Variants in PRKN observed in about 807,000 individuals in gnomAD.
PRKN encodes parkin RBR E3 ubiquitin protein ligase.
Under a neutral mutation model 59.5 loss-of-function variants are expected in PRKN, and 56 were observed. The observed-to-expected ratio is 0.94, with a 90% CI of 0.76 to 1.18. The LOEUF (loss-of-function observed/expected upper bound fraction) is 1.18, where lower values mean the gene tolerates loss of function less well. Among genes scored for constraint, PRKN ranks in the 50% most tolerant of loss-of-function variants. The pLI is 0.00. For synonymous variants in PRKN, 250 were observed against 222.1 expected (o/e 1.13, Z -1.12); for missense variants, 657 against 596.4 (o/e 1.10, Z -1.06).
At chr6:161,959,658 G>A (rs1780308502) in intron 6 of PRKN, among the ~76,000 whole-genome samples, 1 of 152,010 alleles carries the variant, frequency 6.6e-6, no homozygotes, top group Non-Finnish European at 1.5e-5. Flanking sequence ...TTTCCTCTGA[G>A]GTGATACTCA....
intron 5 of PRKN, among the ~76,000 whole-genome samples, chr6:162,039,157 C>CAA (rs1404634739): frequency 5.6e-5 from 5 of 89,634 alleles, no homozygotes; most frequent in Non-Finnish European, 6.6e-5. Flanking sequence ...CTCCATCTCA[C>CAA]AAAAAAAAAA....
rs951958878 is a variant in PRKN, at chr6:161,562,493, G to A, written c.933+6862C>T. Reference sequence around the variant, plus strand: ...TTGGCTTCTTCTGAGAATCCCCATGGGTTTAAAATTTCCTCTACATGCTGG... The same window carrying A: ...TTGGCTTCTTCTGAGAATCCCCATGAGTTTAAAATTTCCTCTACATGCTGG... On this transcript the variant is annotated intron_variant, in intron 8 of 11. Transcript: ENST00000366898. This position sits in a 1 kb window ranked among gnomAD's most constrained non-coding sequence, Gnocchi z 4.3. 3.3e-5 allele frequency among the ~76,000 whole-genome samples: 5 copies of A among 152,116 alleles called. No homozygotes were observed. The highest frequency in any genetic ancestry group is 2.1e-4 in the South Asian group (1 of 4,828).
chr6:161,556,225 C>G (rs561512810), intron 8 of PRKN, among the ~76,000 whole-genome samples: 1 of 152,208 alleles, frequency 6.6e-6, no homozygotes, highest in East Asian at 1.9e-4. Flanking sequence ...AACTCAAGAG[C>G]ATTTGAGCAT....
chr6:161,682,823 G>T (rs905603267), intron 7 of PRKN, among the ~76,000 whole-genome samples: 1 of 152,160 alleles, frequency 6.6e-6, no homozygotes, highest in African/African-American at 2.4e-5. Flanking sequence ...GCACCACACA[G>T]TAGAGGGTGA....
chr6:162,011,224 T>TTTATGATATATACTATATTATA (rs1782655241), intron 5 of PRKN, among the ~76,000 whole-genome samples: 1 of 68,686 alleles, frequency 1.5e-5, no homozygotes, highest in Non-Finnish European at 3.1e-5. Context: ...TAGTATATAT[T>TTTATGATATATACTATATTATA]TATAATATAT....
At position 162,586,460 on chromosome 6, in the gene PRKN, T is replaced by C. The variant is rs1583858311; in HGVS notation, c.7+141202A>G. On this transcript the variant is annotated intron_variant, in intron 1 of 11. Transcript: ENST00000366898. ...GTTCATGGAGAGGGCAAAGGTACAC[T>C]ATGAACACTACTGACTGAGACACAT... is the stretch of plus-strand genomic sequence containing the variant. Among the ~76,000 whole-genome samples the C allele has an allele frequency of 2.0e-5, 3 of 152,294 alleles. No homozygotes were observed. In the South Asian group the frequency reaches 6.2e-4, roughly 32 times the overall value.
At chr6:161,671,692 A>G (rs562361270) in intron 7 of PRKN, among the ~76,000 whole-genome samples, 1 of 152,330 alleles carries the variant, frequency 6.6e-6, no homozygotes, top group East Asian at 1.9e-4. Context: ...AGACTGTATT[A>G]AAAGATTATC....
chr6:161,937,555 C>T (rs1779404520), intron 6 of PRKN, among the ~76,000 whole-genome samples: 2 of 152,188 alleles, frequency 1.3e-5, no homozygotes, highest in South Asian at 4.1e-4. Flanking sequence ...GAAAAGCGCT[C>T]TGAACTACTG....
intron 6 of PRKN, among the ~76,000 whole-genome samples, chr6:161,869,357 C>T (rs1278571212): frequency 4.6e-5 from 7 of 151,292 alleles, no homozygotes; most frequent in East Asian, 1.9e-4. Flanking sequence ...CCAGCCTGAG[C>T]GACAGAGCAA....
At chr6:161,708,788 C>T (rs963256763) in intron 7 of PRKN, among the ~76,000 whole-genome samples, 3 of 152,168 alleles carry the variant, frequency 2.0e-5, no homozygotes, top group Non-Finnish European at 4.4e-5. Flanking sequence ...TGCCTGTAAG[C>T]AGTGGAGCTG....
At chr6:161,901,943 G>A (rs993379719) in intron 6 of PRKN, among the ~76,000 whole-genome samples, 3 of 152,272 alleles carry the variant, frequency 2.0e-5, no homozygotes, top group Non-Finnish European at 4.4e-5. Flanking sequence ...CCGAGTCATG[G>A]AGCCAGCAGC....
chr6:161,705,197 C>T (rs1270757633), intron 7 of PRKN, among the ~76,000 whole-genome samples: 1 of 152,078 alleles, frequency 6.6e-6, no homozygotes, highest in African/African-American at 2.4e-5. Flanking sequence ...CCCAATAAGC[C>T]CATTGTAACT....
chr6:162,334,556 GACAAT>G (rs1347557519), intron 2 of PRKN, among the ~76,000 whole-genome samples: 17 of 152,158 alleles, frequency 1.1e-4, no homozygotes, highest in African/African-American at 3.9e-4. Context: ...ACTGCTTATT[GACAAT>G]ACAACTGGTC....
intron 1 of PRKN, among the ~76,000 whole-genome samples, chr6:162,617,115 T>C (rs551071786): frequency 5.2e-4 from 79 of 152,328 alleles, no homozygotes; most frequent in African/African-American, 1.8e-3. Flanking sequence ...GTATACATTG[T>C]AGAAAGATTA....
At chr6:161,848,559 T>C (rs150019410) in intron 6 of PRKN, among the ~76,000 whole-genome samples, 187 of 152,360 alleles carry the variant, frequency 1.2e-3, no homozygotes, top group Non-Finnish European at 2.1e-3. Flanking sequence ...GTATGTCTTT[T>C]AGAAATACGT....
intron 4 of PRKN, among the ~76,000 whole-genome samples, chr6:162,138,200 G>A (rs62437977): frequency 0.06 from 9,146 of 152,180 alleles, 388 homozygotes; most frequent in Admixed American, 0.12. Flanking sequence ...TACATGCATG[G>A]GGTTAACAAT....
chr6:161,756,259 C>T (rs1299587192), intron 7 of PRKN, among the ~76,000 whole-genome samples: 1 of 151,718 alleles, frequency 6.6e-6, no homozygotes, highest in Admixed American at 6.6e-5. Context: ...GTGGCCAAAA[C>T]GGTGAAACCC....
At chr6:162,527,768 A>T (rs921854459) in intron 1 of PRKN, among the ~76,000 whole-genome samples, 1 of 152,212 alleles carries the variant, frequency 6.6e-6, no homozygotes, top group African/African-American at 2.4e-5. Flanking sequence ...TATAGCTCTC[A>T]TCAGCACTTT....
Position 161,546,773 on chromosome 6 carries a change from C to T in PRKN, c.1083+2081G>A, listed in dbSNP as rs138655878. 3.2e-4 allele frequency among the ~76,000 whole-genome samples: 49 copies of T among 152,090 alleles called. No individual in the cohort carries two copies. The highest frequency in any genetic ancestry group is 1.1e-3 in the African/African-American group (45 of 41,478). The stretch of plus-strand genomic sequence containing the variant: ...GTGCAGCTTTGGGGATTTGGTCCTA[C>T]AAGGCACTGTAGCTTCTCTCTGTTC... On this transcript the variant is annotated intron_variant, in intron 9 of 11. Coordinates refer to ENST00000366898, the MANE Select transcript of PRKN (RefSeq NM_004562.3). The surrounding 1 kb of genome is among the most constrained non-coding windows in gnomAD (Gnocchi z 4.4).
Sources: allele counts gnomAD v4.1 joint callset (sites outside exome capture counted in the v4.1 genomes callset), GRCh38; gene constraint gnomAD v4.1.1; non-coding constraint Gnocchi (gnomAD v3.1); transcripts MANE v1.5; gene names NCBI Gene and HGNC (gene_info 2026-07-23, HGNC 2026-07-21).